Variants in FAM135B observed in about 807,000 individuals in gnomAD.
The protein encoded by FAM135B is protein FAM135B.
Under a neutral mutation model 127.7 loss-of-function variants are expected in FAM135B, and 43 were observed. The observed-to-expected ratio is 0.34, with a 90% confidence interval of 0.26 to 0.43. FAM135B has a LOEUF of 0.43. Among genes scored for constraint, FAM135B ranks in the 20% least tolerant of loss-of-function variants. The probability of loss-of-function intolerance (pLI) is 1.00; values close to 1 mark genes in which losing one functional copy is unlikely to be tolerated. For missense variants in FAM135B, 1,558 were observed against 1,725.6 expected (o/e 0.90, Z 1.72); for synonymous variants, 670 against 665.1 (o/e 1.01, Z -0.11).
chr8:138,283,648 G>C (rs180832716), intron 3 of FAM135B, among the ~76,000 whole-genome samples: 38 of 152,136 alleles, frequency 2.5e-4, no homozygotes, highest in Middle Eastern at 3.4e-3. Flanking sequence ...CAAATGTTCC[G>C]CTCTAATGGG....
At chr8:138,378,605 G>T (rs1831638582) in intron 1 of FAM135B, among the ~76,000 whole-genome samples, 1 of 152,124 alleles carries the variant, frequency 6.6e-6, no homozygotes, top group African/African-American at 2.4e-5. Context: ...GGAGCAGAGG[G>T]GAGGCTAGAA....
intron 2 of FAM135B, among the ~76,000 whole-genome samples, chr8:138,325,213 G>T (rs965206470): frequency 1.8e-4 from 28 of 152,084 alleles, no homozygotes; most frequent in African/African-American, 5.8e-4. Context: ...ATAAACATTT[G>T]TCCAATCAAA....
chr8:138,471,786 A>G (rs1837688768), intron 1 of FAM135B, among the ~76,000 whole-genome samples: 6 of 152,208 alleles, frequency 3.9e-5, no homozygotes, highest in Admixed American at 3.9e-4. Flanking sequence ...AGTATATACC[A>G]GAGAGGAACT....
chr8:138,385,169 A>G (rs1832115517), intron 1 of FAM135B, among the ~76,000 whole-genome samples: 1 of 152,112 alleles, frequency 6.6e-6, no homozygotes, highest in Non-Finnish European at 1.5e-5. Flanking sequence ...AACTGCTCAG[A>G]GCTGCTCCTC....
intron 1 of FAM135B, among the ~76,000 whole-genome samples, chr8:138,386,967 T>C (rs1349646068): frequency 1.3e-5 from 2 of 152,098 alleles, no homozygotes; most frequent in South Asian, 2.1e-4. Context: ...CACAGGATCA[T>C]ACAGGGGCCC....
intron 1 of FAM135B, chr8:138,459,214 G>C (rs886422460): frequency 2.6e-5 from 4 of 152,188 alleles, no homozygotes; most frequent in African/African-American, 9.6e-5. Context: ...GTAAACATCA[G>C]TAGCCTCCAA....
chr8:138,215,227 T>C (rs1273387701), intron 7 of FAM135B, among the ~76,000 whole-genome samples: 2 of 152,212 alleles, frequency 1.3e-5, no homozygotes, highest in Non-Finnish European at 2.9e-5. Context: ...TCTCTATGCC[T>C]AAGTTACCTT....
chr8:138,149,490 C>T (rs1247977281), intron 13 of FAM135B, among the ~76,000 whole-genome samples: 1 of 152,108 alleles, frequency 6.6e-6, no homozygotes, highest in Non-Finnish European at 1.5e-5. Flanking sequence ...TGCCTGAGGG[C>T]CTGTGTGCCT....
intron 3 of FAM135B, among the ~76,000 whole-genome samples, chr8:138,292,156 A>T (rs1001557379): frequency 1.1e-4 from 16 of 152,138 alleles, no homozygotes; most frequent in East Asian, 7.7e-4. Context: ...TCAATAAAGC[A>T]ATCCCATGTA....
At chr8:138,157,572 TGAA>T (rs1164752078) in intron 12 of FAM135B, among the ~76,000 whole-genome samples, 28,274 of 152,054 alleles carry the variant, frequency 0.19, 2,612 homozygotes, top group East Asian at 0.24. Flanking sequence ...CAAAATCTCC[TGAA>T]GCTGATAAGC....
chr8:138,314,598 T>C (rs4545103), intron 2 of FAM135B, among the ~76,000 whole-genome samples: 1 of 151,296 alleles, frequency 6.6e-6, no homozygotes, highest in South Asian at 2.1e-4. Context: ...AGGTCAGGAG[T>C]GGTGGCTCAT....
intron 1 of FAM135B, among the ~76,000 whole-genome samples, chr8:138,488,659 T>A (rs1815084527): frequency 6.6e-6 from 1 of 151,854 alleles, no homozygotes; most frequent in African/African-American, 2.4e-5. Flanking sequence ...TGTGAGTGTT[T>A]TTGTTTGATT....
At chr8:138,228,096 G>C (rs985382735) in intron 7 of FAM135B, among the ~76,000 whole-genome samples, 2 of 152,120 alleles carry the variant, frequency 1.3e-5, no homozygotes, top group African/African-American at 4.8e-5. Flanking sequence ...CTTTATGTGT[G>C]CATTGTCTGT....
chr8:138,285,122 T>A (rs897359339), intron 3 of FAM135B, among the ~76,000 whole-genome samples: 3 of 150,172 alleles, frequency 2.0e-5, no homozygotes, highest in Non-Finnish European at 4.4e-5. Flanking sequence ...AAAACATATA[T>A]TGGCTCTACT....
intron 3 of FAM135B, among the ~76,000 whole-genome samples, chr8:138,279,328 C>T (rs1356924858): frequency 6.6e-6 from 1 of 152,200 alleles, no homozygotes; most frequent in Non-Finnish European, 1.5e-5. Context: ...GAAAAGTACA[C>T]AACTCACCAG....
chr8:138,446,836 A>G (rs1296717123), intron 1 of FAM135B, among the ~76,000 whole-genome samples: 2 of 151,868 alleles, frequency 1.3e-5, no homozygotes, highest in Admixed American at 1.3e-4. Flanking sequence ...GCTTCTGCAC[A>G]GCAAAAGAAA....
intron 1 of FAM135B, among the ~76,000 whole-genome samples, chr8:138,375,391 G>A (rs1831404103): frequency 6.6e-6 from 1 of 152,154 alleles, no homozygotes; most frequent in South Asian, 2.1e-4. Flanking sequence ...GTGTTTGTGT[G>A]TGTGTGTGTA....
At chr8:138,171,174 T>G (rs1420376867) in intron 11 of FAM135B, among the ~76,000 whole-genome samples, 2 of 152,148 alleles carry the variant, frequency 1.3e-5, no homozygotes, top group African/African-American at 2.4e-5. Flanking sequence ...CTAATATATT[T>G]CTTCTCATCT....
chr8:138,337,543 A>G (rs933348843), intron 2 of FAM135B, among the ~76,000 whole-genome samples: 1 of 151,992 alleles, frequency 6.6e-6, no homozygotes, highest in African/African-American at 2.4e-5. Flanking sequence ...CAGGAATCCA[A>G]CTTACAAGGG....
Sources: allele counts gnomAD v4.1 joint callset (sites outside exome capture counted in the v4.1 genomes callset), GRCh38; gene constraint gnomAD v4.1.1; transcripts MANE v1.5; gene names NCBI Gene and HGNC (gene_info 2026-07-23, HGNC 2026-07-21).